TNRC6C: variants seen among roughly 807,000 people sequenced by gnomAD.
The protein encoded by TNRC6C is trinucleotide repeat containing adaptor 6C.
Under a neutral mutation model 153.7 loss-of-function variants are expected in TNRC6C, and 20 were observed. The observed-to-expected ratio is 0.13, with a 90% CI of 0.09 to 0.19. The LOEUF (loss-of-function observed/expected upper bound fraction) is 0.19, where lower values mean the gene tolerates loss of function less well. Among genes scored for constraint, TNRC6C ranks in the 10% least tolerant of loss-of-function variants. The pLI, the probability that TNRC6C is intolerant of heterozygous loss-of-function variation, is 1.00. For synonymous variants in TNRC6C, 811 were observed against 841.4 expected, an observed-to-expected ratio of 0.96 and a Z score of 0.63; for missense variants, 1,987 against 2,172.0, an observed-to-expected ratio of 0.91 and a Z score of 1.69.
At chr17:77,996,944 T>C (rs540690349) in intron 1 of TNRC6C, among the ~76,000 whole-genome samples, 3 of 152,270 alleles carry the variant, frequency 2.0e-5, no homozygotes, top group African/African-American at 7.2e-5. Context: ...AACAGACAGT[T>C]CATCAACCTT....
At chr17:77,968,464 C>G (rs930734049) in intron 1 of TNRC6C, among the ~76,000 whole-genome samples, 1 of 151,968 alleles carries the variant, frequency 6.6e-6, no homozygotes, top group Non-Finnish European at 1.5e-5. Flanking sequence ...GCCTCAGCCT[C>G]CCAAGTAACT....
chr17:78,050,870 C>T (rs749997078), exon 3 of TNRC6C: 17 of 1,613,744 alleles, frequency 1.1e-5, no homozygotes, highest in South Asian at 3.3e-5. Context: ...GCAGATTCAT[C>T]GTCTGTCCTT....
intron 1 of TNRC6C, among the ~76,000 whole-genome samples, chr17:77,979,897 A>C (rs1283516835): frequency 6.6e-6 from 1 of 152,230 alleles, no homozygotes; most frequent in Non-Finnish European, 1.5e-5. Context: ...ATGGAAATCA[A>C]AATACAGTGG....
At chr17:78,052,716 C>A (rs1348427565) in intron 3 of TNRC6C, among the ~76,000 whole-genome samples, 1 of 151,930 alleles carries the variant, frequency 6.6e-6, no homozygotes, top group Non-Finnish European at 1.5e-5. Context: ...TCCCCTGGCC[C>A]ACCAGCTGGG....
At chr17:77,959,383 G>C (rs2070841559) in intron 1 of TNRC6C, 115 bp downstream of exon 1, 1 of 151,616 alleles carries the variant, frequency 6.6e-6, no homozygotes. Flanking sequence ...AGCGACCCGC[G>C]TGCGGCGCCA....
chr17:77,999,307 A>T (rs2071376645), upstream of TNRC6C, among the ~76,000 whole-genome samples: 1 of 152,252 alleles, frequency 6.6e-6, no homozygotes. Context: ...TGCCTGCTAC[A>T]GCATGGCTGT....
chr17:78,012,647 T>C (rs1004500324), intron 1 of TNRC6C, among the ~76,000 whole-genome samples: 6 of 152,176 alleles, frequency 3.9e-5, no homozygotes, highest in African/African-American at 1.4e-4. Context: ...AGTAGGTCAG[T>C]ATAAGCATTT....
At chr17:78,072,450 C>T (rs185707886) in intron 6 of TNRC6C, among the ~76,000 whole-genome samples, 7 of 152,308 alleles carry the variant, frequency 4.6e-5, no homozygotes, top group Admixed American at 4.6e-4. Context: ...TAGAGAGAGA[C>T]ATGGAGATGG....
At chr17:78,060,446 G>A (rs568445837) in intron 3 of TNRC6C, among the ~76,000 whole-genome samples, 25 of 150,714 alleles carry the variant, frequency 1.7e-4, no homozygotes, top group African/African-American at 5.6e-4. Flanking sequence ...ATGCCTGATC[G>A]ATTGCATTTT....
At chr17:78,057,085 T>C (rs1429690668) in intron 3 of TNRC6C, among the ~76,000 whole-genome samples, 6 of 152,156 alleles carry the variant, frequency 3.9e-5, no homozygotes, top group Non-Finnish European at 5.9e-5. Context: ...AAGAGACAAA[T>C]AAAAAGTTAC....
chr17:78,087,656 C>T (rs1038345968), intron 13 of TNRC6C, among the ~76,000 whole-genome samples: 4 of 152,140 alleles, frequency 2.6e-5, no homozygotes, highest in African/African-American at 9.7e-5. Context: ...ATGGTTTGGT[C>T]AGTAAAAGTA....
intron 5 of TNRC6C, among the ~76,000 whole-genome samples, chr17:78,070,509 C>T (rs187572825): frequency 6.6e-6 from 1 of 152,276 alleles, no homozygotes; most frequent in Non-Finnish European, 1.5e-5. Flanking sequence ...CCCCCACCCC[C>T]ACTGCTCTTT....
intron 1 of TNRC6C, among the ~76,000 whole-genome samples, chr17:78,014,035 G>T (rs953007570): frequency 1.3e-5 from 2 of 152,144 alleles, no homozygotes; most frequent in Non-Finnish European, 2.9e-5. Context: ...GTTTAACTTT[G>T]GCTCCCTCTT....
exon 4 of TNRC6C, chr17:78,064,926 T>C (rs2072843919): frequency 3.7e-6 from 6 of 1,608,856 alleles, no homozygotes; most frequent in Admixed American, 1.7e-5. Flanking sequence ...GCCTCAGCCC[T>C]GTGCAAACCA....
upstream of TNRC6C, among the ~76,000 whole-genome samples, chr17:78,000,736 C>T (rs751066451): frequency 2.7e-5 from 4 of 149,482 alleles, no homozygotes; most frequent in Middle Eastern, 3.5e-3. Context: ...AAACTAAGGA[C>T]GAGAAACATT....
chr17:77,999,578 G>A (rs1469602792), upstream of TNRC6C, among the ~76,000 whole-genome samples: 1 of 152,170 alleles, frequency 6.6e-6, no homozygotes, highest in Non-Finnish European at 1.5e-5. Flanking sequence ...TCACTACCTG[G>A]TTTAGTTTGC....
chr17:78,050,098 C>A (rs1207560519), exon 3 of TNRC6C: 2 of 1,608,796 alleles, frequency 1.2e-6, no homozygotes, highest in Non-Finnish European at 8.5e-7. Flanking sequence ...ATGGGGAAAG[C>A]CCCCAAACCA....
chr17:78,089,929 G>A (rs976387378), intron 13 of TNRC6C, among the ~76,000 whole-genome samples: 5 of 152,192 alleles, frequency 3.3e-5, no homozygotes, highest in Admixed American at 2.6e-4. Flanking sequence ...TCCCAGAGGG[G>A]AAAGTTGGGA....
intron 2 of TNRC6C, among the ~76,000 whole-genome samples, chr17:78,042,836 A>ATGG (rs917889242): frequency 6.6e-6 from 1 of 151,814 alleles, no homozygotes; most frequent in African/African-American, 2.4e-5. Flanking sequence ...AACAGTGGTG[A>ATGG]TGGTGGTGGT....
Sources: allele counts gnomAD v4.1 joint callset (sites outside exome capture counted in the v4.1 genomes callset), GRCh38; gene constraint gnomAD v4.1.1; transcripts MANE v1.5; gene names NCBI Gene and HGNC (gene_info 2026-07-23, HGNC 2026-07-21).